The following SLC39A11 variants were observed in gnomAD, a reference collection of about 807,000 sequenced individuals.
The protein encoded by SLC39A11 is solute carrier family 39 member 11.
In SLC39A11, 33 loss-of-function variants were observed where a neutral mutation model predicts 36.1. The observed-to-expected ratio is 0.91, with a 90% confidence interval of 0.69 to 1.22. The LOEUF (loss-of-function observed/expected upper bound fraction) is 1.22. Ranked by LOEUF, SLC39A11 falls within the 50% of genes most tolerant of loss-of-function variation. The pLI is 0.00. For synonymous variants in SLC39A11, 166 were observed against 170.3 expected, an observed-to-expected ratio of 0.97 and a Z score of 0.20; for missense variants, 432 against 430.3, an observed-to-expected ratio of 1.00 and a Z score of -0.03.
chr17:73,090,487 T>A (rs1475168199), intron 1 of SLC39A11, among the ~76,000 whole-genome samples: 1 of 152,234 alleles, frequency 6.6e-6, no homozygotes, highest in African/African-American at 2.4e-5. Flanking sequence ...GTCTTTGTTT[T>A]TAAACCAAGC....
At chr17:72,887,789 GAA>G (rs11077646) in intron 5 of SLC39A11, among the ~76,000 whole-genome samples, 1 of 150,736 alleles carries the variant, frequency 6.6e-6, no homozygotes, top group Non-Finnish European at 1.5e-5. Context: ...ATTTAGAAAC[GAA>G]AAAAAAAATT....
chr17:72,745,982 G>GA (rs1434164604), intron 6 of SLC39A11, among the ~76,000 whole-genome samples: 1 of 152,160 alleles, frequency 6.6e-6, no homozygotes, highest in Non-Finnish European at 1.5e-5. Context: ...CAGAGTAAGA[G>GA]AAAAATGACT....
At chr17:72,925,196 C>T (rs766023542) in intron 5 of SLC39A11, among the ~76,000 whole-genome samples, 14 of 152,152 alleles carry the variant, frequency 9.2e-5, no homozygotes, top group East Asian at 3.9e-4. Context: ...TCTTCCACGA[C>T]GGACATGTGG....
chr17:72,799,087 T>A (rs12449641), intron 6 of SLC39A11, among the ~76,000 whole-genome samples: 1 of 151,930 alleles, frequency 6.6e-6, no homozygotes, highest in Non-Finnish European at 1.5e-5. Flanking sequence ...ACATGTATGG[T>A]TGCATGCATG....
intron 7 of SLC39A11, among the ~76,000 whole-genome samples, chr17:72,725,136 T>G (rs567129446): frequency 6.6e-6 from 1 of 152,350 alleles, no homozygotes; most frequent in African/African-American, 2.4e-5. Context: ...AATAACATTA[T>G]GTTTTTAAGT....
chr17:73,028,304 C>T (rs1291764167), intron 4 of SLC39A11, among the ~76,000 whole-genome samples: 1 of 152,198 alleles, frequency 6.6e-6, no homozygotes, highest in Admixed American at 6.5e-5. Context: ...TGTTGGCCAA[C>T]CGCAACGACT....
At chr17:72,974,148 T>C (rs574938451) in intron 4 of SLC39A11, among the ~76,000 whole-genome samples, 54 of 152,132 alleles carry the variant, frequency 3.5e-4, no homozygotes, top group Non-Finnish European at 5.9e-4. Context: ...TCACCCAGGC[T>C]GGAGTGCAGT....
intron 3 of SLC39A11, among the ~76,000 whole-genome samples, chr17:73,074,414 C>T (rs1269103879): frequency 6.6e-6 from 1 of 151,564 alleles, no homozygotes; most frequent in Admixed American, 6.6e-5. Context: ...TCTCCTGCCT[C>T]AGCCTCCCGA....
At chr17:72,875,875 G>A (rs2080875338) in intron 5 of SLC39A11, among the ~76,000 whole-genome samples, 1 of 152,106 alleles carries the variant, frequency 6.6e-6, no homozygotes, top group Non-Finnish European at 1.5e-5. Context: ...TATTAGACAT[G>A]TCCACCCAGT....
At chr17:72,674,585 G>T (rs576828815) in intron 7 of SLC39A11, among the ~76,000 whole-genome samples, 3 of 152,174 alleles carry the variant, frequency 2.0e-5, no homozygotes, top group Admixed American at 6.5e-5. Context: ...GGATCAAAAA[G>T]GAAATGCGTA....
rs1568127678 is a variant in SLC39A11 at position 72,809,225 on chromosome 17, C to CTCTCTCTCTCTCTT, written c.601+40408_601+40409insAAGAGAGAGAGAGA. On this transcript the variant is annotated intron_variant, in intron 6 of 9. Transcript: ENST00000255559. ...TCTCTCTCTCTCTCTCTCTCTCTCT[C>CTCTCTCTCTCTCTT]TCTTTCTTTCTGCCCTCTCAGGCCC... is the stretch of plus-strand genomic sequence containing the variant. 2.7e-3 allele frequency among the ~76,000 whole-genome samples: 410 copies of CTCTCTCTCTCTCTT among 151,004 alleles called. 2 individuals carry two copies. The highest frequency in any genetic ancestry group is 9.5e-3 in the African/African-American group (390 of 41,092).
intron 5 of SLC39A11, among the ~76,000 whole-genome samples, chr17:72,923,465 T>G (rs1219605331): frequency 6.6e-6 from 1 of 151,854 alleles, no homozygotes; most frequent in Non-Finnish European, 1.5e-5. Context: ...GTACCAGAAG[T>G]GGGATATGCC....
At chr17:72,899,507 T>C (rs2146888107) in intron 5 of SLC39A11, among the ~76,000 whole-genome samples, 1 of 152,272 alleles carries the variant, frequency 6.6e-6, no homozygotes, top group East Asian at 1.9e-4. Context: ...GCCTGTCTCA[T>C]TTCCCCTCAT....
intron 6 of SLC39A11, among the ~76,000 whole-genome samples, chr17:72,738,353 A>G (rs1379673449): frequency 1.3e-5 from 2 of 152,146 alleles, no homozygotes; most frequent in African/African-American, 4.8e-5. Flanking sequence ...CCAGCTTTCA[A>G]AGGAACCACC....
chr17:72,954,373 T>C (rs984057480), intron 4 of SLC39A11, among the ~76,000 whole-genome samples: 2 of 152,222 alleles, frequency 1.3e-5, no homozygotes, highest in African/African-American at 4.8e-5. Flanking sequence ...GGGGACTAAT[T>C]GGTGCCCCCT....
At chr17:72,779,269 C>A (rs913345690) in intron 6 of SLC39A11, among the ~76,000 whole-genome samples, 5 of 151,922 alleles carry the variant, frequency 3.3e-5, no homozygotes, top group Non-Finnish European at 7.4e-5. Flanking sequence ...CATGGTGAAA[C>A]CCCGTCTCTA....
At chr17:73,009,058 CAAAAA>C (rs34448509) in intron 4 of SLC39A11, among the ~76,000 whole-genome samples, 1 of 78,812 alleles carries the variant, frequency 1.3e-5, no homozygotes. Flanking sequence ...AGACCTGCCT[CAAAAA>C]AAAAAAAAAA....
At chr17:72,702,691 C>T (rs1175813579) in intron 7 of SLC39A11, among the ~76,000 whole-genome samples, 2 of 152,024 alleles carry the variant, frequency 1.3e-5, no homozygotes, top group Non-Finnish European at 2.9e-5. Flanking sequence ...AATCCCAACA[C>T]TTTGGGAGGC....
intron 5 of SLC39A11, among the ~76,000 whole-genome samples, chr17:72,938,118 A>G (rs1189825428): frequency 6.6e-6 from 1 of 152,186 alleles, no homozygotes; most frequent in Non-Finnish European, 1.5e-5. Flanking sequence ...TAATTTTCAG[A>G]TATGCAGAGC....
Sources: gnomAD v4.1 joint callset for allele counts (sites outside exome capture counted in the v4.1 genomes callset) on GRCh38, gnomAD v4.1.1 for gene constraint, MANE v1.5 for transcripts, NCBI Gene and HGNC (gene_info 2026-07-23, HGNC 2026-07-21) for gene names.